RASAL2: variants seen among roughly 807,000 people sequenced by gnomAD.
The protein encoded by RASAL2 is RAS protein activator like 2.
RASAL2 carries 58 observed loss-of-function variants against 128.9 expected under a neutral mutation model. The observed-to-expected ratio is 0.45, with a 90% confidence interval of 0.36 to 0.56. The LOEUF (loss-of-function observed/expected upper bound fraction) is 0.56. RASAL2 is among the 20% of genes least tolerant of loss of function. The pLI is 0.00. For missense variants in RASAL2, 1,360 were observed against 1,601.6 expected (o/e 0.85, Z 2.57); for synonymous variants, 561 against 580.8 (o/e 0.97, Z 0.49).
At chr1:178,446,220 A>G (rs1676988867) in intron 9 of RASAL2, among the ~76,000 whole-genome samples, 1 of 152,182 alleles carries the variant, frequency 6.6e-6, no homozygotes, top group Admixed American at 6.5e-5. Flanking sequence ...TAACCGCTAG[A>G]GTAAGGTACT....
intron 1 of RASAL2, among the ~76,000 whole-genome samples, chr1:178,115,269 A>G (rs536986649): frequency 6.6e-6 from 1 of 152,362 alleles, no homozygotes; most frequent in South Asian, 2.1e-4. Flanking sequence ...AAATGTATTA[A>G]CATAAAATTG....
At chr1:178,386,416 G>A (rs760011680) in intron 3 of RASAL2, among the ~76,000 whole-genome samples, 3 of 152,122 alleles carry the variant, frequency 2.0e-5, no homozygotes, top group African/African-American at 7.2e-5. Context: ...ACACAGAATC[G>A]TACATATCAT....
rs111266263 is a variant in RASAL2, at chr1:178,141,628, G to A, written c.202+46934G>A. The stretch of plus-strand genomic sequence containing the variant: ...CTCCAACTGCTTCCTGCTTAATTGG[G>A]GCATAGTAGGGGTTGTGCATTTGAG... On this transcript the variant is annotated intron_variant, in intron 1 of 17. Coordinates refer to ENST00000367649, the MANE Select transcript of RASAL2 (RefSeq NM_170692.4). Among the ~76,000 whole-genome samples, 871 of 152,152 alleles carry A rather than the reference G, an allele frequency of 5.7e-3. 13 individuals carry two copies. Among genetic ancestry groups the A allele is most frequent in the Admixed American group, 0.025 (387 of 15,272 alleles).
At position 178,317,490 on chromosome 1, in the gene RASAL2, G is replaced by A. The variant is rs1181408420; in HGVS notation, c.457+17372G>A. On this transcript the variant is annotated intron_variant, in intron 3 of 17. Transcript: ENST00000367649. ...TCAGCTCCTGTTATTGGTCTATTCA[G>A]AGATTCAACTTCTTTCTGGTTTAGT... Among the ~76,000 whole-genome samples the A allele has an allele frequency of 2.0e-5, 3 of 150,502 alleles. No homozygotes were observed. The East Asian group carries it at 5.8e-4, about 29-fold the overall frequency.
chr1:178,210,651 A>G (rs1046286480), intron 1 of RASAL2, among the ~76,000 whole-genome samples: 1 of 152,250 alleles, frequency 6.6e-6, no homozygotes, highest in Non-Finnish European at 1.5e-5. Context: ...GTGATATAAC[A>G]TAGTATTATG....
At chr1:178,419,566 G>A (rs186779170) in intron 4 of RASAL2, among the ~76,000 whole-genome samples, 2 of 152,280 alleles carry the variant, frequency 1.3e-5, no homozygotes, top group South Asian at 2.1e-4. Context: ...TGGGACTACA[G>A]GCATGAGCTA....
chr1:178,380,662 T>A (rs1672233667), intron 3 of RASAL2, among the ~76,000 whole-genome samples: 2 of 152,224 alleles, frequency 1.3e-5, no homozygotes, highest in Non-Finnish European at 1.5e-5. Context: ...TATTATCTTT[T>A]ATTCTATCTT....
chr1:178,151,057 T>A (rs1229375620), intron 1 of RASAL2, among the ~76,000 whole-genome samples: 1 of 152,188 alleles, frequency 6.6e-6, no homozygotes, highest in East Asian at 1.9e-4. Context: ...ATAAGCTTTA[T>A]TTAGACTGTT....
chr1:178,145,221 A>G (rs1293420795), intron 1 of RASAL2, among the ~76,000 whole-genome samples: 2 of 149,212 alleles, frequency 1.3e-5, no homozygotes, highest in East Asian at 1.9e-4. Flanking sequence ...TATTCAAAAA[A>G]CAAATAGGCA....
At chr1:178,246,929 G>C (rs1021322676) in intron 1 of RASAL2, among the ~76,000 whole-genome samples, 1 of 152,114 alleles carries the variant, frequency 6.6e-6, no homozygotes, top group Non-Finnish European at 1.5e-5. Context: ...CCTTGATTGT[G>C]GTGGATAAGC....
intron 5 of RASAL2, among the ~76,000 whole-genome samples, chr1:178,424,535 C>G (rs1383888206): frequency 1.3e-5 from 2 of 152,186 alleles, no homozygotes; most frequent in African/African-American, 4.8e-5. Context: ...GATCACGGTT[C>G]ACTGCAGCCT....
intron 2 of RASAL2, among the ~76,000 whole-genome samples, chr1:178,296,512 A>T (rs935510209): frequency 2.0e-5 from 3 of 151,730 alleles, no homozygotes; most frequent in Admixed American, 6.6e-5. Flanking sequence ...GGTGCATGCC[A>T]CTACAACTGG....
intron 1 of RASAL2, among the ~76,000 whole-genome samples, chr1:178,110,123 A>G (rs1659241084): frequency 6.6e-6 from 1 of 152,198 alleles, no homozygotes; most frequent in Non-Finnish European, 1.5e-5. Context: ...CCATGAAACC[A>G]TTACCACAAG....
At chr1:178,433,890 C>G (rs1462861711) in intron 5 of RASAL2, among the ~76,000 whole-genome samples, 1 of 151,700 alleles carries the variant, frequency 6.6e-6, no homozygotes, top group Admixed American at 6.6e-5. Flanking sequence ...GCACTCCAGC[C>G]TGGGCAACAA....
chr1:178,434,387 G>A (rs970005804), intron 5 of RASAL2, among the ~76,000 whole-genome samples: 5 of 152,072 alleles, frequency 3.3e-5, no homozygotes, highest in Non-Finnish European at 7.4e-5. Context: ...GTACAAAGTA[G>A]GTAAGGATAT....
chr1:178,341,274 G>A (rs555886228), intron 3 of RASAL2, among the ~76,000 whole-genome samples: 2 of 152,282 alleles, frequency 1.3e-5, no homozygotes, highest in South Asian at 4.1e-4. Flanking sequence ...ACTTAGCTTG[G>A]TAAATCACAT....
chr1:178,376,030 A>G (rs1671972691), intron 3 of RASAL2, among the ~76,000 whole-genome samples: 1 of 152,132 alleles, frequency 6.6e-6, no homozygotes, highest in Non-Finnish European at 1.5e-5. Context: ...AACTTGAAGA[A>G]TATCAACATT....
chr1:178,358,641 T>G (rs1379735584), intron 3 of RASAL2, among the ~76,000 whole-genome samples: 3 of 152,088 alleles, frequency 2.0e-5, no homozygotes. Context: ...CACTAAAAAT[T>G]CTGACAATAC....
chr1:178,114,009 C>T (rs1219825539), intron 1 of RASAL2, among the ~76,000 whole-genome samples: 3 of 151,856 alleles, frequency 2.0e-5, no homozygotes, highest in Non-Finnish European at 4.4e-5. Context: ...TAATTTTTTA[C>T]ATTTTTTATC....
Sources: gnomAD v4.1 joint callset for allele counts (sites outside exome capture counted in the v4.1 genomes callset) on GRCh38, gnomAD v4.1.1 for gene constraint, MANE v1.5 for transcripts, NCBI Gene and HGNC (gene_info 2026-07-23, HGNC 2026-07-21) for gene names.